The following KIT variants were observed in gnomAD, a reference collection of about 807,000 sequenced individuals.
The protein encoded by KIT is mast/stem cell growth factor receptor Kit.
A neutral mutation model predicts 105.7 loss-of-function variants in KIT; 16 were observed. The ratio of observed to expected loss-of-function variants is 0.15; its 90% CI spans 0.10 to 0.23. The LOEUF is 0.23. Among genes scored for constraint, KIT ranks in the 10% least tolerant of loss-of-function variants. The pLI, the probability that KIT is intolerant of heterozygous loss-of-function variation, is 1.00. For synonymous variants in KIT, 438 were observed against 441.1 expected, an observed-to-expected ratio of 0.99 and a Z score of 0.09; for missense variants, 858 against 1,213.8, an observed-to-expected ratio of 0.71 and a Z score of 4.36.
intron 3 of KIT, among the ~76,000 whole-genome samples, chr4:54,699,102 G>A (rs17084642): frequency 0.018 from 2,813 of 152,286 alleles, 71 homozygotes; most frequent in African/African-American, 0.061. Flanking sequence ...TTAAATCTCA[G>A]AGATCATCTA....
At chr4:54,694,178 G>A (rs1719898463) in intron 1 of KIT, among the ~76,000 whole-genome samples, 1 of 152,050 alleles carries the variant, frequency 6.6e-6, no homozygotes, top group Non-Finnish European at 1.5e-5. Context: ...TTTTTAGCCA[G>A]GCTGGTTTCT....
chr4:54,675,268 G>A (rs1446752858), intron 1 of KIT, among the ~76,000 whole-genome samples: 1 of 152,182 alleles, frequency 6.6e-6, no homozygotes, highest in Non-Finnish European at 1.5e-5. Context: ...TTTCTCAATA[G>A]ACATACTGGA....
chr4:54,706,811 C>T (rs1720820567), intron 5 of KIT, among the ~76,000 whole-genome samples: 1 of 152,062 alleles, frequency 6.6e-6, no homozygotes, highest in Non-Finnish European at 1.5e-5. Flanking sequence ...TAATAAACAT[C>T]AAGACTAGTA....
chr4:54,680,459 T>A (rs1307111964), intron 1 of KIT, among the ~76,000 whole-genome samples: 1 of 150,200 alleles, frequency 6.7e-6, no homozygotes, highest in Non-Finnish European at 1.5e-5. Context: ...TGGCATGATC[T>A]CTGCTCACTG....
intron 1 of KIT, among the ~76,000 whole-genome samples, chr4:54,694,556 G>T (rs992293107): frequency 2.6e-5 from 4 of 152,074 alleles, no homozygotes; most frequent in Non-Finnish European, 5.9e-5. Context: ...TTGTAGATGT[G>T]TTGGGCGGTG....
intron 16 of KIT, 46 bp downstream of exon 16, chr4:54,732,044 G>GTTTTTTTT (rs376340117): frequency 2.9e-6 from 3 of 1,021,276 alleles, no homozygotes; most frequent in Non-Finnish European, 2.7e-6. Flanking sequence ...TTGTTTTTTT[G>GTTTTTTTT]ATTTTTTTTT....
At chr4:54,721,011 G>T (rs1279973885) in intron 7 of KIT, among the ~76,000 whole-genome samples, 5 of 152,226 alleles carry the variant, frequency 3.3e-5, no homozygotes, top group Non-Finnish European at 7.3e-5. Flanking sequence ...ATAATTGAAT[G>T]CCTTTGGAAT....
At chr4:54,694,914 A>G (rs577364951) in intron 1 of KIT, among the ~76,000 whole-genome samples, 1 of 152,166 alleles carries the variant, frequency 6.6e-6, no homozygotes, top group Non-Finnish European at 1.5e-5. Flanking sequence ...TTTCCTATCT[A>G]GGAAACCTAT....
intron 15 of KIT, 34 bp downstream of exon 15, chr4:54,731,453 C>T: frequency 7.4e-7 from 1 of 1,348,112 alleles, no homozygotes; most frequent in Non-Finnish European, 1.1e-6. Flanking sequence ...CCAAGAGTAA[C>T]TTTACAGAGA....
At chr4:54,708,087 C>T (rs1265353489) in intron 6 of KIT, among the ~76,000 whole-genome samples, 1 of 151,940 alleles carries the variant, frequency 6.6e-6, no homozygotes, top group African/African-American at 2.4e-5. Flanking sequence ...TGGGAGGTCT[C>T]CAGGTGATTG....
intron 17 of KIT, among the ~76,000 whole-genome samples, chr4:54,735,680 A>G (rs1476331685): frequency 6.6e-6 from 1 of 152,174 alleles, no homozygotes; most frequent in East Asian, 1.9e-4. Flanking sequence ...ATAAAATTAA[A>G]AGTATTCATT....
At position 54,709,466 on chromosome 4, in the gene KIT, A is replaced by AGG. The variant is rs1233544350; in HGVS notation, c.1159_1160dup (p.Gly388GlufsTer7). On this transcript the variant is annotated frameshift_variant, in exon 7 of 21. Coordinates refer to ENST00000288135, the MANE Select transcript of KIT (RefSeq NM_000222.3). LOFTEE classifies it high-confidence loss of function. ...ATCTAACGAGATTAAAAGGCACCGA[A>AGG]GGAGGCACTTACACATTCCTAGTGT... is the stretch of plus-strand genomic sequence containing the variant. 1 of 1,613,974 alleles carries AGG rather than the reference A, an allele frequency of 6.2e-7. No individual in the cohort carries two copies. Among genetic ancestry groups the AGG allele is most frequent in the Non-Finnish European group, 8.5e-7 (1 of 1,179,816 alleles).
intron 1 of KIT, among the ~76,000 whole-genome samples, chr4:54,678,335 T>C (rs1213935462): frequency 9.9e-5 from 10 of 100,954 alleles, no homozygotes; most frequent in Admixed American, 3.8e-4. Context: ...CTTCCTTCCT[T>C]CCTTCCTTCC....
chr4:54,667,868 G>C (rs1443857104), intron 1 of KIT, among the ~76,000 whole-genome samples: 2 of 152,134 alleles, frequency 1.3e-5, no homozygotes, highest in African/African-American at 4.8e-5. Context: ...ATCCAGTATG[G>C]ATATGTATTT....
chr4:54,701,997 T>G (rs1720483921), intron 4 of KIT, among the ~76,000 whole-genome samples: 1 of 152,192 alleles, frequency 6.6e-6, no homozygotes, highest in Non-Finnish European at 1.5e-5. Context: ...CCACATACCC[T>G]TTTAGAAACT....
At chr4:54,706,778 A>G (rs17084666) in intron 5 of KIT, among the ~76,000 whole-genome samples, 8,451 of 152,174 alleles carry the variant, frequency 0.056, 717 homozygotes, top group African/African-American at 0.18. Flanking sequence ...TGAACTCACT[A>G]TTTATTCCAA....
intron 13 of KIT, 145 bp from the exon 14 acceptor site, chr4:54,729,190 A>T: frequency 1.3e-6 from 1 of 794,510 alleles, no homozygotes; most frequent in South Asian, 1.6e-5. Flanking sequence ...AGCAGTGTTA[A>T]TATATGGGAT....
Position 54,715,198 on chromosome 4 carries a change from C to T in KIT, c.1231+5659C>T, listed in dbSNP as rs1721402712. The stretch of plus-strand genomic sequence containing the variant: ...GAAAGATCCCCTTTGACCAAGTATG[C>T]AAAGTCTGGGCTACCTTTTAGTATT... On this transcript the variant is annotated intron_variant, in intron 7 of 20. Transcript: ENST00000288135. 2.0e-5 allele frequency among the ~76,000 whole-genome samples: 3 copies of T among 152,112 alleles called. No homozygotes were observed. The South Asian group carries it at 6.2e-4, about 32-fold the overall frequency.
intron 17 of KIT, among the ~76,000 whole-genome samples, chr4:54,733,552 C>T (rs1031912817): frequency 6.6e-6 from 1 of 151,876 alleles, no homozygotes; most frequent in Non-Finnish European, 1.5e-5. Context: ...ATTGGCATGC[C>T]GTGTGAAAAA....
Sources: allele counts gnomAD v4.1 joint callset (sites outside exome capture counted in the v4.1 genomes callset), GRCh38; gene constraint gnomAD v4.1.1; transcripts MANE v1.5; gene names NCBI Gene and HGNC (gene_info 2026-07-23, HGNC 2026-07-21).